CDC42BPB: variants seen among roughly 807,000 people sequenced by gnomAD.
CDC42BPB encodes serine/threonine-protein kinase MRCK beta.
CDC42BPB carries 37 observed loss-of-function variants against 214.9 expected under a neutral mutation model. That is an observed-to-expected ratio of 0.17 (90% confidence interval 0.13 to 0.23). The LOEUF is 0.23. Ranked by LOEUF, CDC42BPB falls within the 10% of genes least tolerant of loss-of-function variation. The pLI, the probability that CDC42BPB is intolerant of heterozygous loss-of-function variation, is 1.00. For missense variants in CDC42BPB, 1,694 were observed against 2,227.0 expected (o/e 0.76, Z 4.82); for synonymous variants, 931 against 884.0 (o/e 1.05, Z -0.94).
At chr14:102,968,177 C>T in intron 16 of CDC42BPB, 76 bp downstream of exon 16, 1 of 1,043,800 alleles carries the variant, frequency 9.6e-7, no homozygotes, top group Admixed American at 1.9e-5. Context: ...TATGTACCCA[C>T]ACAAATTAAA....
At chr14:102,957,861 T>G (rs1892780113) in intron 21 of CDC42BPB, among the ~76,000 whole-genome samples, 1 of 152,188 alleles carries the variant, frequency 6.6e-6, no homozygotes, top group Non-Finnish European at 1.5e-5. Context: ...ACGATCAGAC[T>G]TGGCATCACC....
rs747297506 is a variant in CDC42BPB at position 102,938,350 on chromosome 14, T to C, written c.4889A>G (p.Gln1630Arg). The change falls in exon 35 of 37, where the codon CAG becomes CGG. Residue 1630 changes from glutamine (Q) to arginine (R), a missense_variant. Around this residue, in one of 7 missense-constraint regions of CDC42BPB, gnomAD observed 146 missense variants for 134.1 expected, o/e 1.09. Coordinates refer to ENST00000361246, the MANE Select transcript of CDC42BPB (RefSeq NM_006035.4). Reference protein sequence around the residue: ...PGPAPTNLARQPPSRNKPYIS... With the variant: ...PGPAPTNLARRPPSRNKPYIS... The stretch of plus-strand genomic sequence containing the variant: ...GTAGGGCTTGTTCCTGGATGGAGGC[T>C]GGCGAGCCAGGTTGGTGGGAGCGGG... 9 of 1,597,610 alleles carry C rather than the reference T, an allele frequency of 5.6e-6. No individual in the cohort carries two copies. The highest frequency in any genetic ancestry group is 7.7e-6 in the Non-Finnish European group (9 of 1,173,068).
At chr14:103,048,532 C>CAAAAAAAAAAAAAAAA (rs71119751) in intron 1 of CDC42BPB, among the ~76,000 whole-genome samples, 6 of 42,652 alleles carry the variant, frequency 1.4e-4, no homozygotes, top group African/African-American at 1.8e-4. Context: ...ACTAAAAATA[C>CAAAAAAAAAAAAAAAA]AAAAAAAAAA....
rs1018053512 is a variant in CDC42BPB at position 102,961,697 on chromosome 14, C to T, written c.2821+1364G>A. Among the ~76,000 whole-genome samples the T allele has an allele frequency of 5.9e-5, 9 of 152,286 alleles. No homozygotes were observed. The South Asian group carries it at 8.3e-4, about 14-fold the overall frequency. On this transcript the variant is annotated intron_variant, in intron 20 of 36. Coordinates refer to ENST00000361246, the MANE Select transcript of CDC42BPB (RefSeq NM_006035.4). ...TAGCTGGGATTACAGGCATGCACCACCACGCCCAGCTAATTTTGTATTTTT... is the reference window on the plus strand; with the variant it reads ...TAGCTGGGATTACAGGCATGCACCATCACGCCCAGCTAATTTTGTATTTTT...
chr14:103,005,934 G>T (rs376604987), intron 3 of CDC42BPB, among the ~76,000 whole-genome samples: 1 of 149,636 alleles, frequency 6.7e-6, no homozygotes, highest in African/African-American at 2.5e-5. Flanking sequence ...GCAGAGAATC[G>T]TTTGAACGCA....
At chr14:103,016,273 C>T (rs1044902226) in intron 1 of CDC42BPB, among the ~76,000 whole-genome samples, 4 of 152,244 alleles carry the variant, frequency 2.6e-5, no homozygotes, top group Admixed American at 6.5e-5. Flanking sequence ...GAAGGAACTT[C>T]GCTGCCAGGA....
rs771256532 is a variant in CDC42BPB at position 102,938,353 on chromosome 14, C to A, written c.4886G>T (p.Arg1629Leu). 1.9e-6 allele frequency: 3 copies of A among 1,594,518 alleles called. No individual in the cohort carries two copies. The highest frequency in any genetic ancestry group is 1.1e-5 in the South Asian group (1 of 87,186). ...RPGPAPTNLARQPPSRNKPYI... is the reference protein window; with the variant it reads ...RPGPAPTNLALQPPSRNKPYI... ...GGGCTTGTTCCTGGATGGAGGCTGG[C>A]GAGCCAGGTTGGTGGGAGCGGGGCC... The change falls in exon 35 of 37, where the codon CGC (arginine) becomes CTC (leucine). Residue 1629 changes from arginine (R) to leucine (L), a missense_variant. Coordinates refer to ENST00000361246, the MANE Select transcript of CDC42BPB (RefSeq NM_006035.4).
chr14:102,947,282 G>A lies in CDC42BPB; in HGVS notation c.3531+439C>T, dbSNP rs1196929798. ...TTCCCCAATTCAGTCTTCTAGGAAC[G>A]TCCTAATGCTACAATGTCTAACACT... On this transcript the variant is annotated intron_variant, in intron 27 of 36. Transcript: ENST00000361246. 5.9e-5 allele frequency among the ~76,000 whole-genome samples: 9 copies of A among 152,264 alleles called. No individual in the cohort carries two copies. The South Asian group carries it at 8.3e-4, about 14-fold the overall frequency.
At chr14:102,973,283 A>T (rs1893568983) in intron 12 of CDC42BPB, among the ~76,000 whole-genome samples, 2 of 152,232 alleles carry the variant, frequency 1.3e-5, no homozygotes, top group Non-Finnish European at 2.9e-5. Context: ...ATCTTAAGAA[A>T]CAATCTGGGT....
At chr14:102,945,218 T>C (rs1032418121) in intron 29 of CDC42BPB, 1 of 457,782 alleles carries the variant, frequency 2.2e-6, no homozygotes, top group Admixed American at 2.3e-5. Context: ...CCTGGGCCCC[T>C]GCCCCCTGCC....
intron 1 of CDC42BPB, among the ~76,000 whole-genome samples, chr14:103,014,880 A>T (rs1033153773): frequency 6.6e-6 from 1 of 152,194 alleles, no homozygotes; most frequent in African/African-American, 2.4e-5. Context: ...AACAAAAAAC[A>T]GTGAAGACAA....
rs1026520509 is a variant in CDC42BPB at position 102,944,946 on chromosome 14, G to C, written c.3812-459C>G. ...ACCCTGAGACAAATCCTCTGAAGAC[G>C]CTGCCCTCACAGGGCCCCCAGTGAA... On this transcript the variant is annotated intron_variant, in intron 29 of 36. Coordinates refer to ENST00000361246, the MANE Select transcript of CDC42BPB (RefSeq NM_006035.4). The surrounding 1 kb of genome is among the most constrained non-coding windows in gnomAD (Gnocchi z 6.6). Among the ~76,000 whole-genome samples, 1 of 152,138 alleles carries C rather than the reference G, an allele frequency of 6.6e-6. No individual in the cohort carries two copies. The highest frequency in any genetic ancestry group is 1.5e-5 in the Non-Finnish European group (1 of 68,008).
chr14:102,949,469 G>A (rs976042891), intron 26 of CDC42BPB, among the ~76,000 whole-genome samples: 5 of 151,888 alleles, frequency 3.3e-5, no homozygotes, highest in Non-Finnish European at 5.9e-5. Flanking sequence ...TGGGCATGTG[G>A]TTTTCTTATG....
intron 1 of CDC42BPB, among the ~76,000 whole-genome samples, chr14:103,043,437 T>C (rs146877826): frequency 1.3e-5 from 2 of 152,254 alleles, no homozygotes; most frequent in African/African-American, 4.8e-5. Flanking sequence ...ACCCATATTA[T>C]ATGACGCCAC....
Position 102,975,800 on chromosome 14 carries a change from G to C in CDC42BPB, c.1391C>G (p.Ser464Cys). 6.2e-7 allele frequency: 1 copy of C among 1,614,208 alleles called. No individual in the cohort carries two copies. The highest frequency in any genetic ancestry group is 2.2e-5 in the East Asian group (1 of 44,880). The change falls in exon 11 of 37, where the codon TCC becomes TGC. Residue 464 changes from serine to cysteine, a missense_variant. Physicochemically the swap from Ser to Cys is moderately radical, Grantham distance 112. Around this residue, in one of 7 missense-constraint regions of CDC42BPB, gnomAD observed 462 missense variants for 513.5 expected, o/e 0.90. Coordinates refer to ENST00000361246, the MANE Select transcript of CDC42BPB (RefSeq NM_006035.4). ...KLELSRKLQE[S>C]TQTVQSLHGS... is the part of the protein sequence containing the mutation. ...GTGGAGGGACTGCACGGTCTGGGTG[G>C]ACTCTGAGGGATGGAGAGACAGCGT...
At chr14:103,034,314 G>C (rs1311471516) in intron 1 of CDC42BPB, among the ~76,000 whole-genome samples, 1 of 152,214 alleles carries the variant, frequency 6.6e-6, no homozygotes, top group African/African-American at 2.4e-5. Context: ...CCAGGAGTTT[G>C]AGACAAACCT....
chr14:102,981,892 T>A lies in CDC42BPB; in HGVS notation c.892-871A>T, dbSNP rs912255159. ...GATATGTAACATGATGCCACGTATC[T>A]AAACACACACATGCGCACGCACACA... On this transcript the variant is annotated intron_variant, in intron 7 of 36. Transcript: ENST00000361246. Among the ~76,000 whole-genome samples the A allele has an allele frequency of 2.6e-5, 4 of 152,006 alleles. No homozygotes were observed. The South Asian group carries it at 8.3e-4, about 31-fold the overall frequency.
At chr14:102,958,304 G>A (rs966042734) in intron 21 of CDC42BPB, among the ~76,000 whole-genome samples, 6 of 152,178 alleles carry the variant, frequency 3.9e-5, no homozygotes, top group Admixed American at 1.3e-4. Flanking sequence ...CCTTCAAGTC[G>A]CTTTCAAATA....
intron 1 of CDC42BPB, among the ~76,000 whole-genome samples, chr14:103,022,761 CAAAAT>C (rs1404265919): frequency 6.6e-6 from 1 of 152,098 alleles, no homozygotes; most frequent in African/African-American, 2.4e-5. Context: ...TCTAGGGTGA[CAAAAT>C]AAACGCCCCA....
Sources: gnomAD v4.1 joint callset for allele counts (sites outside exome capture counted in the v4.1 genomes callset) on GRCh38, gnomAD v4.1.1 for gene constraint, gnomAD v4.1.1 regional missense constraint, Gnocchi (gnomAD v3.1) non-coding constraint, MANE v1.5 for transcripts, NCBI Gene and HGNC (gene_info 2026-07-23, HGNC 2026-07-21) for gene names.